Variants in SPTAN1 observed in about 807,000 individuals in gnomAD.
The protein encoded by SPTAN1 is spectrin alpha chain, non-erythrocytic 1.
In SPTAN1, 61 loss-of-function variants were observed where a neutral mutation model predicts 331.3. The observed-to-expected ratio is 0.18, with a 90% CI of 0.15 to 0.23. The LOEUF (loss-of-function observed/expected upper bound fraction) is 0.23, where lower values mean the gene tolerates loss of function less well. SPTAN1 is among the 10% of genes least tolerant of loss of function. The probability of loss-of-function intolerance (pLI) is 1.00; values close to 1 mark genes in which losing one functional copy is unlikely to be tolerated. For synonymous variants in SPTAN1, 1,153 were observed against 1,173.9 expected, an observed-to-expected ratio of 0.98 and a Z score of 0.36; for missense variants, 2,043 against 3,147.9, an observed-to-expected ratio of 0.65 and a Z score of 8.40.
In SPTAN1 at chr9:128,633,638, C is replaced by CAAAT. The variant is rs918694321; in HGVS notation, c.*309_*312dup. 11 of 1,357,884 alleles carry CAAAT rather than the reference C, an allele frequency of 8.1e-6. No individual in the cohort carries two copies. The highest frequency in any genetic ancestry group is 2.7e-4 in the Middle Eastern group (1 of 3,754). The allele number at this position is 1,357,884 out of a possible 1,614,324, so 84.1% of individuals were successfully genotyped here. The stretch of plus-strand genomic sequence containing the variant: ...CCCAAATCTGTTTTCATGTAAAAGA[C>CAAAT]AAATAAATGATGACTTCCCCCAAAG... On this transcript the variant is annotated 3_prime_UTR_variant, in exon 57 of 57. Transcript: ENST00000372739.
intron 31 of SPTAN1, 47 bp from the exon 32 acceptor site, chr9:128,607,557 C>A: frequency 6.7e-7 from 1 of 1,494,134 alleles, no homozygotes; most frequent in Non-Finnish European, 9.3e-7. Context: ...AGAAGATCTC[C>A]TTACCAGGTA....
chr9:128,617,740 G>A lies in SPTAN1; in HGVS notation c.5458G>A (p.Ala1820Thr). The A allele has an allele frequency of 6.2e-7, 1 of 1,614,144 alleles. No homozygotes were observed. The change falls in exon 42 of 57, where the codon GCG becomes ACG. Residue 1820 changes from alanine to threonine, a missense_variant. By Grantham distance (58) the Ala-to-Thr change is moderately conservative. Transcript: ENST00000372739. ...CAAGCGGCTGGAAGCAGAACTGGCT[G>A]CGCATGAGCCGGCTATTCAGGTAAG... ...KHKRLEAELA[A>T]HEPAIQGVLD...
At position 128,633,512 on chromosome 9, in the gene SPTAN1, ACT is replaced by A; in HGVS notation, c.*179_*180del. 1 of 1,173,644 alleles carries A rather than the reference ACT, an allele frequency of 8.5e-7. No homozygotes were observed. The allele number at this position is 1,173,644 out of a possible 1,614,324, so 72.7% of individuals were successfully genotyped here. ...CCGGTCCAGTCACAATCATCATGTC[ACT>A]GTGGGGACCCAGATCTGTGTCTTGA... On this transcript the variant is annotated 3_prime_UTR_variant, in exon 57 of 57. Transcript: ENST00000372739.
chr9:128,618,240 G>A (rs1006742761), intron 43 of SPTAN1, 132 bp downstream of exon 43: 7 of 1,407,480 alleles, frequency 5.0e-6, no homozygotes, highest in East Asian at 2.5e-5. Context: ...TGCCATAGTC[G>A]GTTTGCTCCA....
rs370705867 is a variant in SPTAN1, at chr9:128,633,194, T to C, written c.7309-15T>C. The C allele has an allele frequency of 1.1e-4, 182 of 1,611,700 alleles. 1 individual carries two copies. The African/African-American group carries it at 2.3e-3, about 20-fold the overall frequency. ...CAGCTGGCTCAGGCACCAGGTGCCATCTCTTACCCCACAGAACCTGACCCG... is the reference window on the plus strand; with the variant it reads ...CAGCTGGCTCAGGCACCAGGTGCCACCTCTTACCCCACAGAACCTGACCCG... On this transcript the variant is annotated splice_polypyrimidine_tract_variant and intron_variant, in intron 56 of 56. Coordinates refer to ENST00000372739, the MANE Select transcript of SPTAN1 (RefSeq NM_001130438.3).
chr9:128,572,784 G>A (rs1023104340), intron 3 of SPTAN1, among the ~76,000 whole-genome samples: 4 of 152,078 alleles, frequency 2.6e-5, no homozygotes, highest in Non-Finnish European at 5.9e-5. Context: ...ACAGCGTGGC[G>A]CCCCATAGTC....
At chr9:128,619,655 G>T (rs982422352) in intron 44 of SPTAN1, among the ~76,000 whole-genome samples, 1 of 152,210 alleles carries the variant, frequency 6.6e-6, no homozygotes, top group African/African-American at 2.4e-5. Flanking sequence ...CCACGCTAAT[G>T]ACCTCATCTT....
chr9:128,632,379 C>G, intron 53 of SPTAN1, 52 bp from the exon 54 acceptor site: 7 of 1,613,780 alleles, frequency 4.3e-6, no homozygotes, highest in Non-Finnish European at 5.9e-6. Flanking sequence ...GGAAAAGACA[C>G]AGTCACCTGC....
In SPTAN1 at chr9:128,568,842, A is replaced by G; in HGVS notation, c.308A>G (p.Asp103Gly). ...AACTCAGGAGCCATTGTTAAGCTGG[A>G]TGAAACTGGAAACCTGATGATCTCA... ...QANSGAIVKL[D>G]ETGNLMISEG... The change falls in exon 3 of 57, where the codon GAT (aspartate) becomes GGT (glycine). Residue 103 changes from aspartate to glycine, a missense_variant. Asp to Gly is a moderately conservative substitution (Grantham distance 94). Coordinates refer to ENST00000372739, the MANE Select transcript of SPTAN1 (RefSeq NM_001130438.3). The G allele has an allele frequency of 3.7e-6, 6 of 1,614,168 alleles. No homozygotes were observed. The highest frequency in any genetic ancestry group is 5.1e-6 in the Non-Finnish European group (6 of 1,180,022).
At chr9:128,599,881 C>T in intron 26 of SPTAN1, 199 bp from the exon 27 acceptor site, 8 of 615,814 alleles carry the variant, frequency 1.3e-5, no homozygotes, top group Middle Eastern at 2.7e-4. Context: ...TTTTCTCTCC[C>T]CTGTTTGTTG....
chr9:128,560,900 C>T (rs1368953355), intron 1 of SPTAN1, among the ~76,000 whole-genome samples: 1 of 151,124 alleles, frequency 6.6e-6, no homozygotes, highest in African/African-American at 2.4e-5. Flanking sequence ...CCTGTAATCC[C>T]AGCTACTGGG....
Position 128,608,929 on chromosome 9 carries a change from A to G in SPTAN1, c.4547A>G (p.His1516Arg), listed in dbSNP as rs1060503491. 7.4e-6 allele frequency: 12 copies of G among 1,614,222 alleles called. No individual in the cohort carries two copies. Among genetic ancestry groups the G allele is most frequent in the Non-Finnish European group, 1.0e-5 (12 of 1,180,030 alleles). The change falls in exon 35 of 57, where the codon CAT becomes CGT. Residue 1516 changes from histidine to arginine, a missense_variant. By Grantham distance (29) the His-to-Arg change is conservative (BLOSUM62 0). Around this residue, in one of 12 missense-constraint regions of SPTAN1, gnomAD observed 40 missense variants for 32.6 expected, o/e 1.23. Transcript: ENST00000372739. ...GCCGACCAGCTCATCGCTGCCGGCC[A>G]TTATGCCAAGGGAGACATTTCTAGC... Reference protein sequence around the residue: ...AFADQLIAAGHYAKGDISSRR... With the variant: ...AFADQLIAAGRYAKGDISSRR...
intron 45 of SPTAN1, chr9:128,621,900 G>A (rs75528824): frequency 1.3e-4 from 21 of 159,636 alleles, no homozygotes; most frequent in South Asian, 1.1e-3. Flanking sequence ...TCCGTGGGTC[G>A]GGAATTCACC....
intron 14 of SPTAN1, 34 bp downstream of exon 14, chr9:128,582,883 G>C: frequency 6.2e-7 from 1 of 1,609,664 alleles, no homozygotes. Context: ...TGTAGCACTC[G>C]ATTAGTAAGC....
At chr9:128,596,966 C>T (rs1166771670) in intron 24 of SPTAN1, among the ~76,000 whole-genome samples, 1 of 152,306 alleles carries the variant, frequency 6.6e-6, no homozygotes, top group South Asian at 2.1e-4. Flanking sequence ...TCGAGACTAG[C>T]CTGGCCAACA....
At chr9:128,596,704 T>G (rs971884288) in intron 24 of SPTAN1, 27 of 152,228 alleles carry the variant, frequency 1.8e-4, no homozygotes, top group African/African-American at 6.3e-4. Context: ...TTTTATTTAT[T>G]TTTTAGAGAT....
At chr9:128,582,424 G>C (rs150339907) in intron 12 of SPTAN1, 55 bp from the exon 13 acceptor site, 1 of 1,517,006 alleles carries the variant, frequency 6.6e-7, no homozygotes, top group African/African-American at 1.4e-5. Context: ...TTCTCCAGAG[G>C]CCAAGCTTGG....
chr9:128,580,365 C>A (rs1296108032), intron 10 of SPTAN1, among the ~76,000 whole-genome samples: 1 of 150,384 alleles, frequency 6.6e-6, no homozygotes, highest in Non-Finnish European at 1.5e-5. Flanking sequence ...TATATATACA[C>A]ATATGTATAT....
chr9:128,564,043 G>T (rs1849718562), intron 1 of SPTAN1, among the ~76,000 whole-genome samples: 1 of 152,124 alleles, frequency 6.6e-6, no homozygotes, highest in African/African-American at 2.4e-5. Context: ...AAGACCGGAG[G>T]TGGGAGGATC....
Sources: allele counts gnomAD v4.1 joint callset (sites outside exome capture counted in the v4.1 genomes callset), GRCh38; gene constraint gnomAD v4.1.1; regional missense constraint gnomAD v4.1.1; transcripts MANE v1.5; gene names NCBI Gene and HGNC (gene_info 2026-07-23, HGNC 2026-07-21).